ITGB5: variants seen among roughly 807,000 people sequenced by gnomAD.
ITGB5 encodes integrin beta-5.
ITGB5 carries 38 observed loss-of-function variants against 84.8 expected under a neutral mutation model. The ratio of observed to expected loss-of-function variants is 0.45; its 90% confidence interval spans 0.35 to 0.59. ITGB5 has a LOEUF of 0.59. Ranked by LOEUF, ITGB5 falls within the 20% of genes least tolerant of loss-of-function variation. The probability of loss-of-function intolerance (pLI) is 0.01; values close to 1 mark genes in which losing one functional copy is unlikely to be tolerated. For synonymous variants in ITGB5, 393 were observed against 414.4 expected, an observed-to-expected ratio of 0.95 and a Z score of 0.63; for missense variants, 905 against 1,034.5, an observed-to-expected ratio of 0.87 and a Z score of 1.72.
At chr3:124,856,576 A>G (rs1415350697) in intron 3 of ITGB5, among the ~76,000 whole-genome samples, 1 of 152,250 alleles carries the variant, frequency 6.6e-6, no homozygotes, top group African/African-American at 2.4e-5. Flanking sequence ...ACATTATGAT[A>G]AGTATATGAA....
chr3:124,892,510 T>G, upstream of ITGB5, among the ~76,000 whole-genome samples: 1 of 135,748 alleles, frequency 7.4e-6, no homozygotes. Flanking sequence ...GGCAACATGG[T>G]GAAATCCCAT....
At chr3:124,770,402 C>G (rs2063824955) in intron 11 of ITGB5, among the ~76,000 whole-genome samples, 1 of 152,126 alleles carries the variant, frequency 6.6e-6, no homozygotes, top group Admixed American at 6.5e-5. Context: ...CCCCCACAGG[C>G]CTGTGGGGAC....
In ITGB5 at chr3:124,801,974, A is replaced by G. The variant is rs72972536; in HGVS notation, c.1264-5157T>C. Among the ~76,000 whole-genome samples, 457 of 152,286 alleles carry G rather than the reference A, an allele frequency of 3.0e-3. 2 individuals carry two copies. The highest frequency in any genetic ancestry group is 0.011 in the African/African-American group (440 of 41,550). The stretch of plus-strand genomic sequence containing the variant: ...TGCACATGGGAGGCCCACTGATGGG[A>G]CCAGCCCACCCCGGCTTTCTCTGTC... On this transcript the variant is annotated intron_variant, in intron 9 of 14. Coordinates refer to ENST00000296181, the MANE Select transcript of ITGB5 (RefSeq NM_002213.5).
At position 124,848,316 on chromosome 3, in the gene ITGB5, A is replaced by T; in HGVS notation, c.604T>A (p.Cys202Ser). ...YTAPRYQTNPCIGYKLFPNCV... is the reference protein window; with the variant it reads ...YTAPRYQTNPSIGYKLFPNCV... ...GGGCAACTGGTCACTTACCCAATGC[A>T]CGGATTGGTCTGGTACCTCGGTGCC... The change falls in exon 4 of 15, where the codon TGC (cysteine) becomes AGC (serine). Residue 202 changes from cysteine (C) to serine (S), a missense_variant. Physicochemically the swap from Cys to Ser is moderately radical, Grantham distance 112 (BLOSUM62 -1). Transcript: ENST00000296181. The T allele has an allele frequency of 1.2e-6, 2 of 1,614,062 alleles. No homozygotes were observed. Among genetic ancestry groups the T allele is most frequent in the South Asian group, 2.2e-5 (2 of 91,062 alleles).
At chr3:124,836,946 G>A (rs903615573) in intron 5 of ITGB5, among the ~76,000 whole-genome samples, 1 of 152,226 alleles carries the variant, frequency 6.6e-6, no homozygotes, top group Non-Finnish European at 1.5e-5. Context: ...CAGAAACTCT[G>A]TCTAAAGAAT....
At chr3:124,802,705 C>T (rs1460039588) in intron 9 of ITGB5, among the ~76,000 whole-genome samples, 1 of 152,230 alleles carries the variant, frequency 6.6e-6, no homozygotes, top group African/African-American at 2.4e-5. Flanking sequence ...GCCAGTTCTG[C>T]CCCCGATGGC....
At chr3:124,856,396 T>G (rs143978665) in intron 3 of ITGB5, among the ~76,000 whole-genome samples, 1 of 152,228 alleles carries the variant, frequency 6.6e-6, no homozygotes, top group African/African-American at 2.4e-5. Context: ...TAAAGGATAC[T>G]TCTTGGAGAG....
intron 2 of ITGB5, among the ~76,000 whole-genome samples, chr3:124,865,651 T>C (rs1579316019): frequency 6.6e-6 from 1 of 151,656 alleles, no homozygotes; most frequent in Admixed American, 6.6e-5. Flanking sequence ...CACATCCCAC[T>C]GATTTTTTAC....
intron 4 of ITGB5, among the ~76,000 whole-genome samples, chr3:124,845,448 C>T (rs1013200305): frequency 1.8e-4 from 27 of 152,224 alleles, no homozygotes; most frequent in Non-Finnish European, 1.9e-4. Flanking sequence ...GCTGCGTGTG[C>T]CTCCCCAGCT....
At chr3:124,810,635 T>C (rs2064485087) in intron 8 of ITGB5, among the ~76,000 whole-genome samples, 1 of 151,704 alleles carries the variant, frequency 6.6e-6, no homozygotes, top group South Asian at 2.1e-4. Context: ...AATAATAATT[T>C]CTTTGAAAAT....
chr3:124,875,625 T>C (rs1268614476), intron 1 of ITGB5, among the ~76,000 whole-genome samples: 3 of 152,174 alleles, frequency 2.0e-5, no homozygotes, highest in Non-Finnish European at 4.4e-5. Context: ...CCAGAAGTAC[T>C]ATGTGTTCCA....
intron 8 of ITGB5, among the ~76,000 whole-genome samples, chr3:124,816,204 A>G (rs2064589687): frequency 6.6e-6 from 1 of 152,218 alleles, no homozygotes; most frequent in Non-Finnish European, 1.5e-5. Context: ...CAGGGAACTA[A>G]GCGCAGGGCT....
chr3:124,819,124 G>A (rs991336640), intron 7 of ITGB5, among the ~76,000 whole-genome samples: 13 of 152,162 alleles, frequency 8.5e-5, no homozygotes, highest in South Asian at 4.2e-4. Flanking sequence ...TTCTTTAGAC[G>A]GAACAGATCC....
intron 8 of ITGB5, among the ~76,000 whole-genome samples, chr3:124,809,633 A>G (rs1579232020): frequency 6.6e-6 from 1 of 151,998 alleles, no homozygotes. Flanking sequence ...AAATCAGCTC[A>G]GCAGGCACTT....
chr3:124,811,705 A>G (rs1370472891), intron 8 of ITGB5, among the ~76,000 whole-genome samples: 1 of 152,164 alleles, frequency 6.6e-6, no homozygotes, highest in Non-Finnish European at 1.5e-5. Flanking sequence ...TTCTGATATA[A>G]AGTTTGTATT....
intron 5 of ITGB5, among the ~76,000 whole-genome samples, chr3:124,838,204 T>TAAA (rs56390552): frequency 1.7e-5 from 2 of 116,328 alleles, no homozygotes; most frequent in African/African-American, 6.3e-5. Context: ...TGTTCCAGAA[T>TAAA]AAAAAAAAAA....
chr3:124,825,925 C>T (rs1363707363), intron 5 of ITGB5, among the ~76,000 whole-genome samples: 1 of 152,116 alleles, frequency 6.6e-6, no homozygotes, highest in African/African-American at 2.4e-5. Flanking sequence ...CATGAATATC[C>T]TACTGTGCTG....
intron 9 of ITGB5, among the ~76,000 whole-genome samples, chr3:124,807,941 C>CAAAAAAAAAAAAAAA (rs552552243): frequency 3.7e-5 from 1 of 26,766 alleles, no homozygotes; most frequent in Non-Finnish European, 7.2e-5. Flanking sequence ...GACTTCATCT[C>CAAAAAAAAAAAAAAA]AAAAAAAAAA....
intron 1 of ITGB5, among the ~76,000 whole-genome samples, chr3:124,881,908 C>T (rs1031380680): frequency 4.6e-5 from 7 of 152,064 alleles, no homozygotes; most frequent in African/African-American, 1.2e-4. Context: ...GCAGAGGTTG[C>T]GGTGACCAGA....
Sources: gnomAD v4.1 joint callset for allele counts (sites outside exome capture counted in the v4.1 genomes callset) on GRCh38, gnomAD v4.1.1 for gene constraint, MANE v1.5 for transcripts, NCBI Gene and HGNC (gene_info 2026-07-23, HGNC 2026-07-21) for gene names.